Variants in PALM2AKAP2 observed in about 807,000 individuals in gnomAD.
PALM2AKAP2 encodes PALM2 and AKAP2 fusion, also known as PALM2-AKAP2 fusion protein.
In PALM2AKAP2, 37 loss-of-function variants were observed where a neutral mutation model predicts 71.5. The observed-to-expected ratio is 0.52, with a 90% CI of 0.40 to 0.68. PALM2AKAP2 has a LOEUF of 0.68. PALM2AKAP2 is among the 30% of genes least tolerant of loss of function. PALM2AKAP2 has a pLI of 0.00. For synonymous variants in PALM2AKAP2, 468 were observed against 478.8 expected, an observed-to-expected ratio of 0.98 and a Z score of 0.29; for missense variants, 1,224 against 1,191.8, an observed-to-expected ratio of 1.03 and a Z score of -0.40.
intron 1 of PALM2AKAP2, among the ~76,000 whole-genome samples, chr9:110,096,677 G>T (rs539096502): frequency 5.5e-4 from 83 of 151,980 alleles, no homozygotes; most frequent in African/African-American, 2.0e-3. Context: ...ATTCCACTGT[G>T]TGTAAGATGT....
At chr9:109,960,290 C>T (rs1301601126) in intron 6 of PALM2AKAP2, among the ~76,000 whole-genome samples, 1 of 152,208 alleles carries the variant, frequency 6.6e-6, no homozygotes, top group East Asian at 1.9e-4. Flanking sequence ...TATCAGCCCT[C>T]CTCTGCACAC....
chr9:110,152,486 TG>T (rs1008039692), intron 2 of PALM2AKAP2, among the ~76,000 whole-genome samples: 5 of 152,054 alleles, frequency 3.3e-5, no homozygotes, highest in African/African-American at 9.7e-5. Flanking sequence ...CATCATGGTT[TG>T]GGGAGTCTAA....
At chr9:109,783,672 C>A (rs1296981075) in intron 1 of PALM2AKAP2, among the ~76,000 whole-genome samples, 2 of 152,188 alleles carry the variant, frequency 1.3e-5, no homozygotes, top group African/African-American at 4.8e-5. Context: ...CTTTCTCTAA[C>A]TGCTTTAGAC....
At chr9:109,820,425 T>A (rs1361861646) in intron 1 of PALM2AKAP2, among the ~76,000 whole-genome samples, 1 of 152,196 alleles carries the variant, frequency 6.6e-6, no homozygotes, top group East Asian at 1.9e-4. Context: ...ATTGTGTTAG[T>A]TTATTGCAAT....
chr9:109,921,918 C>A (rs940893910), intron 3 of PALM2AKAP2, among the ~76,000 whole-genome samples: 1 of 152,034 alleles, frequency 6.6e-6, no homozygotes, highest in Non-Finnish European at 1.5e-5. Flanking sequence ...CCTTCATAAC[C>A]CAAAGTAATT....
intron 1 of PALM2AKAP2, among the ~76,000 whole-genome samples, chr9:109,651,080 T>G (rs1287097746): frequency 6.6e-6 from 1 of 152,182 alleles, no homozygotes; most frequent in Non-Finnish European, 1.5e-5. Context: ...ATGTGCCTCA[T>G]GAGGCTGTGC....
chr9:109,830,805 C>T (rs1249521376), intron 1 of PALM2AKAP2, among the ~76,000 whole-genome samples: 1 of 152,158 alleles, frequency 6.6e-6, no homozygotes, highest in Non-Finnish European at 1.5e-5. Flanking sequence ...AGTGACGCAG[C>T]GGAAGCCCAG....
chr9:109,879,054 A>G (rs1421439302), intron 2 of PALM2AKAP2, among the ~76,000 whole-genome samples: 2 of 152,150 alleles, frequency 1.3e-5, no homozygotes, highest in East Asian at 3.9e-4. Flanking sequence ...GGTTATTTTT[A>G]AAGACTCATC....
At chr9:109,731,884 C>T (rs761912935) in intron 1 of PALM2AKAP2, among the ~76,000 whole-genome samples, 1 of 152,050 alleles carries the variant, frequency 6.6e-6, no homozygotes, top group Non-Finnish European at 1.5e-5. Flanking sequence ...TTGTTTTGGC[C>T]TGAGATGCTT....
At chr9:109,768,282 T>C (rs933035381) in intron 1 of PALM2AKAP2, among the ~76,000 whole-genome samples, 1 of 152,154 alleles carries the variant, frequency 6.6e-6, no homozygotes, top group Non-Finnish European at 1.5e-5. Context: ...GTTTGTTATC[T>C]GAGGCCTTAT....
At chr9:109,871,637 G>A (rs1180415522) in intron 2 of PALM2AKAP2, among the ~76,000 whole-genome samples, 2 of 152,144 alleles carry the variant, frequency 1.3e-5, no homozygotes, top group Non-Finnish European at 2.9e-5. Context: ...TATTTCTGTA[G>A]ATTAAGATAT....
At chr9:110,089,566 CCTT>C (rs1488755597) in intron 1 of PALM2AKAP2, among the ~76,000 whole-genome samples, 6 of 152,166 alleles carry the variant, frequency 3.9e-5, no homozygotes, top group African/African-American at 7.2e-5. Context: ...TAAAAAAATC[CCTT>C]CTTAACACAA....
chr9:109,867,366 T>C (rs1480623219), intron 1 of PALM2AKAP2, 125 bp from the exon 2 acceptor site: 2 of 1,063,016 alleles, frequency 1.9e-6, no homozygotes, highest in Non-Finnish European at 2.8e-6. Context: ...TGACACTGCG[T>C]GTGTGCCCGG....
At chr9:109,968,733 CCGCGATTTTCAG>C (rs532655834) in intron 6 of PALM2AKAP2, among the ~76,000 whole-genome samples, 46 of 152,276 alleles carry the variant, frequency 3.0e-4, no homozygotes, top group Admixed American at 2.4e-3. Flanking sequence ...AGGAGTCCAG[CCGCGATTTTCAG>C]CGCGATTTTC....
chr9:109,982,269 A>G (rs760103535), intron 6 of PALM2AKAP2, among the ~76,000 whole-genome samples: 5 of 152,218 alleles, frequency 3.3e-5, no homozygotes, highest in Non-Finnish European at 5.9e-5. Context: ...ACTCATGGAC[A>G]TAGAGAGTAG....
At chr9:109,719,485 C>T (rs1587880977) in intron 1 of PALM2AKAP2, among the ~76,000 whole-genome samples, 1 of 152,252 alleles carries the variant, frequency 6.6e-6, no homozygotes, top group Non-Finnish European at 1.5e-5. Flanking sequence ...ATTCTGATTC[C>T]ATAACAAAAT....
At chr9:110,034,790 A>G (rs1833351562) in intron 7 of PALM2AKAP2, among the ~76,000 whole-genome samples, 1 of 151,510 alleles carries the variant, frequency 6.6e-6, no homozygotes, top group East Asian at 1.9e-4. Flanking sequence ...TTTTTAGTAG[A>G]GACGGGGTTT....
At chr9:110,010,758 G>A (rs1424326258) in intron 6 of PALM2AKAP2, among the ~76,000 whole-genome samples, 2 of 148,506 alleles carry the variant, frequency 1.3e-5, no homozygotes, top group Admixed American at 6.7e-5. Context: ...CCAGCACTTT[G>A]GGAGGCCGAG....
intron 3 of PALM2AKAP2, among the ~76,000 whole-genome samples, chr9:109,908,142 T>C (rs2131879833): frequency 6.6e-6 from 1 of 152,344 alleles, no homozygotes. Flanking sequence ...TAGCAATACA[T>C]GCTGTTTCTG....
Sources: gnomAD v4.1 joint callset for allele counts (sites outside exome capture counted in the v4.1 genomes callset) on GRCh38, gnomAD v4.1.1 for gene constraint, MANE v1.5 for transcripts, NCBI Gene and HGNC (gene_info 2026-07-23, HGNC 2026-07-21) for gene names.